The following CD33 variants were observed in gnomAD, a reference collection of about 807,000 sequenced individuals.
CD33 encodes the protein CD33 molecule.
In CD33, 25 loss-of-function variants were observed where a neutral mutation model predicts 31.4. That is an observed-to-expected ratio of 0.80 (90% CI 0.58 to 1.11). The LOEUF (loss-of-function observed/expected upper bound fraction) is 1.11, where lower values mean the gene tolerates loss of function less well. Among genes scored for constraint, CD33 ranks in the 50% most tolerant of loss-of-function variants. The probability of loss-of-function intolerance (pLI) is 0.00; values close to 1 mark genes in which losing one functional copy is unlikely to be tolerated. For missense variants in CD33, 407 were observed against 448.1 expected (o/e 0.91, Z 0.83); for synonymous variants, 176 against 180.6 (o/e 0.97, Z 0.20).
intron 4 of CD33, among the ~76,000 whole-genome samples, chr19:51,226,717 T>C (rs1247671968): frequency 2.0e-5 from 3 of 152,178 alleles, no homozygotes; most frequent in Non-Finnish European, 2.9e-5. Context: ...TATTTCATTG[T>C]TGTTGGGAAC....
At chr19:51,223,671 G>T (rs1980796952), upstream of CD33, among the ~76,000 whole-genome samples, 3 of 152,204 alleles carry the variant, frequency 2.0e-5, no homozygotes, top group African/African-American at 7.2e-5. Context: ...ATGGCAGCAT[G>T]AATGGAAAAG....
chr19:51,234,186 C>T (rs775383322), intron 4 of CD33, among the ~76,000 whole-genome samples: 4 of 152,086 alleles, frequency 2.6e-5, no homozygotes, highest in African/African-American at 4.8e-5. Context: ...TAAGACTTCC[C>T]GTATGCCCTC....
the CD33 span, among the ~76,000 whole-genome samples, chr19:51,216,880 C>T: frequency 6.6e-6 from 1 of 152,100 alleles, no homozygotes; most frequent in Non-Finnish European, 1.5e-5. Flanking sequence ...GAAGCAGGCT[C>T]TGTGTGTATA....
Position 51,225,098 on chromosome 19 carries a change from C to T in CD33, c.-21C>T. The T allele has an allele frequency of 4.3e-6, 7 of 1,613,468 alleles. No individual in the cohort carries two copies. Among genetic ancestry groups the T allele is most frequent in the Non-Finnish European group, 5.1e-6 (6 of 1,179,984 alleles). ...CTCTTTTCTGCTCACACAGGAAGCC[C>T]TGGAAGCTGCTTCCTCAGACATGCC... On this transcript the variant is annotated 5_prime_UTR_variant, in exon 1 of 7. Coordinates refer to ENST00000262262, the MANE Select transcript of CD33 (RefSeq NM_001772.4).
chr19:51,235,462 G>T, intron 5 of CD33, 133 bp from the exon 6 acceptor site: 1 of 1,445,754 alleles, frequency 6.9e-7, no homozygotes, highest in South Asian at 1.5e-5. Context: ...GGGAGACCTT[G>T]TGACTAAGTC....
chr19:51,235,019 T>C, intron 4 of CD33, 138 bp from the exon 5 acceptor site: 2 of 652,528 alleles, frequency 3.1e-6, no homozygotes, highest in South Asian at 3.6e-5. Flanking sequence ...TCAATATTGA[T>C]GTCTATGATG....
intron 4 of CD33, among the ~76,000 whole-genome samples, chr19:51,230,787 G>A (rs1239347146): frequency 6.6e-6 from 1 of 152,194 alleles, no homozygotes; most frequent in Non-Finnish European, 1.5e-5. Flanking sequence ...GTATATAGCT[G>A]TGTTGGTAGA....
At position 51,226,306 on chromosome 19, in the gene CD33, T is replaced by C. The variant is rs1190878273; in HGVS notation, c.698-3T>C. ...TGAAGGAAATCCTCTCTTCCTCTCC[T>C]AGATGTTCCACAGAACCCAACAACT... On this transcript the variant is annotated splice_region_variant and splice_polypyrimidine_tract_variant and intron_variant, in intron 3 of 6. Coordinates refer to ENST00000262262, the MANE Select transcript of CD33 (RefSeq NM_001772.4). The C allele has an allele frequency of 1.9e-6, 3 of 1,613,736 alleles. No homozygotes were observed. The highest frequency in any genetic ancestry group is 2.5e-6 in the Non-Finnish European group (3 of 1,179,676).
At chr19:51,214,748 T>G in the CD33 span, among the ~76,000 whole-genome samples, 1 of 152,350 alleles carries the variant, frequency 6.6e-6, no homozygotes, top group Non-Finnish European at 1.5e-5. Context: ...ACCAAATCCA[T>G]GATTTGCTAA....
chr19:51,236,441 T>C lies in CD33; in HGVS notation c.924+765T>C, dbSNP rs146877900. On this transcript the variant is annotated intron_variant, in intron 6 of 6. Coordinates refer to ENST00000262262, the MANE Select transcript of CD33 (RefSeq NM_001772.4). ...ATGGCCCTGGGTTTATTAAGGAGGA[T>C]TGTGGTCTGGAGTGTAAGAGCTCAA... 496 of 156,974 alleles carry C rather than the reference T, an allele frequency of 3.2e-3. 2 individuals carry two copies. Among genetic ancestry groups the C allele is most frequent in the Middle Eastern group, 9.9e-3 (3 of 302 alleles). 9.7% of individuals were successfully genotyped at this position (156,974 alleles called of 1,614,324 possible).
At chr19:51,223,322 G>A (rs963195574), upstream of CD33, among the ~76,000 whole-genome samples, 1 of 152,154 alleles carries the variant, frequency 6.6e-6, no homozygotes, top group Non-Finnish European at 1.5e-5. Context: ...TTAATTTGTT[G>A]TATATCAAAT....
rs570707804 is a variant in CD33, at chr19:51,230,975, G to A, written c.746-4182G>A. 1.1e-4 allele frequency among the ~76,000 whole-genome samples: 17 copies of A among 152,322 alleles called. No homozygotes were observed. In the South Asian group the frequency reaches 3.3e-3, roughly 30 times the overall value. ...AGGGCATAAAACCCCTCGTGGCTTG[G>A]AAAGAATCCAGGGCTCTGGGCATAA... On this transcript the variant is annotated intron_variant, in intron 4 of 6. Coordinates refer to ENST00000262262, the MANE Select transcript of CD33 (RefSeq NM_001772.4).
the CD33 span, among the ~76,000 whole-genome samples, chr19:51,212,863 A>G: frequency 3.3e-5 from 5 of 152,152 alleles, no homozygotes; most frequent in Non-Finnish European, 5.9e-5. Flanking sequence ...AACAGCATAG[A>G]CTGTTCTTAT....
At chr19:51,237,085 A>C (rs1260445400) in intron 6 of CD33, 1 of 152,194 alleles carries the variant, frequency 6.6e-6, no homozygotes, top group African/African-American at 2.4e-5. Context: ...TCTCAGAATC[A>C]TTGCTGGGCT....
At chr19:51,212,716 A>T in the CD33 span, among the ~76,000 whole-genome samples, 5 of 152,110 alleles carry the variant, frequency 3.3e-5, no homozygotes, top group East Asian at 3.9e-4. Context: ...ATACAGTCTC[A>T]TGGGAAGAAC....
intron 4 of CD33, among the ~76,000 whole-genome samples, chr19:51,228,389 G>C (rs970540880): frequency 6.6e-6 from 1 of 152,146 alleles, no homozygotes; most frequent in Non-Finnish European, 1.5e-5. Context: ...CATCTGATGA[G>C]TAAGGAATGT....
chr19:51,213,796 A>T, the CD33 span, among the ~76,000 whole-genome samples: 4 of 151,262 alleles, frequency 2.6e-5, no homozygotes, highest in African/African-American at 9.7e-5. Flanking sequence ...TCGGCCTCCC[A>T]AATTGCTGGG....
rs1302403180 is a variant in CD33 at position 51,225,141 on chromosome 19, C to A, written c.23C>A (p.Pro8His). The A allele has an allele frequency of 1.2e-6, 2 of 1,614,044 alleles. No homozygotes were observed. The highest frequency in any genetic ancestry group is 1.7e-4 in the Middle Eastern group (1 of 6,002). The change falls in exon 1 of 7, where the codon CCC (proline) becomes CAC (histidine). Residue 8 changes from proline to histidine, a missense_variant. Coordinates refer to ENST00000262262, the MANE Select transcript of CD33 (RefSeq NM_001772.4). Reference protein sequence around the residue: MPLLLLLPLLWAGALAMD... With the variant: MPLLLLLHLLWAGALAMD... ...GACATGCCGCTGCTGCTACTGCTGCCCCTGCTGTGGGCAGGTGAGTGGCTG... is the reference window on the plus strand; with the variant it reads ...GACATGCCGCTGCTGCTACTGCTGCACCTGCTGTGGGCAGGTGAGTGGCTG...
At chr19:51,219,977 T>G in the CD33 span, among the ~76,000 whole-genome samples, 1 of 152,248 alleles carries the variant, frequency 6.6e-6, no homozygotes, top group South Asian at 2.1e-4. Flanking sequence ...GATATTGGAC[T>G]GTAATTTACT....
Sources: allele counts gnomAD v4.1 joint callset (sites outside exome capture counted in the v4.1 genomes callset), GRCh38; gene constraint gnomAD v4.1.1; transcripts MANE v1.5; gene names NCBI Gene and HGNC (gene_info 2026-07-23, HGNC 2026-07-21).